The following MYO1E variants were observed in gnomAD, a reference collection of about 807,000 sequenced individuals.
MYO1E encodes the protein unconventional myosin-Ie.
Under a neutral mutation model 151.1 loss-of-function variants are expected in MYO1E, and 68 were observed. The observed-to-expected ratio is 0.45, with a 90% confidence interval of 0.37 to 0.55. The LOEUF is 0.55. MYO1E is among the 20% of genes least tolerant of loss of function. The pLI, the probability that MYO1E is intolerant of heterozygous loss-of-function variation, is 0.00. For missense variants in MYO1E, 1,363 were observed against 1,389.3 expected (o/e 0.98, Z 0.30); for synonymous variants, 601 against 501.7 (o/e 1.20, Z -2.64).
chr15:59,259,176 T>C (rs2080211449), intron 3 of MYO1E, among the ~76,000 whole-genome samples: 1 of 152,212 alleles, frequency 6.6e-6, no homozygotes, highest in South Asian at 2.1e-4. Context: ...CTGTCACCAT[T>C]GTAAAAATGT....
intron 1 of MYO1E, among the ~76,000 whole-genome samples, chr15:59,300,019 G>A (rs1222898393): frequency 6.6e-6 from 1 of 152,102 alleles, no homozygotes; most frequent in African/African-American, 2.4e-5. Context: ...AATCTTTAAT[G>A]TAATGTAAGA....
At chr15:59,189,127 T>C (rs1030339669) in intron 17 of MYO1E, among the ~76,000 whole-genome samples, 1 of 152,172 alleles carries the variant, frequency 6.6e-6, no homozygotes, top group Non-Finnish European at 1.5e-5. Flanking sequence ...AGTGATGTGA[T>C]AGCTCACTGC....
At chr15:59,236,707 G>A (rs780169512) in intron 4 of MYO1E, 35 bp from the exon 5 acceptor site, 7 of 1,545,734 alleles carry the variant, frequency 4.5e-6, no homozygotes, top group Admixed American at 1.7e-5. Context: ...CACCTGAGAA[G>A]TGGATTGCGA....
rs574226959 is a variant in MYO1E at position 59,132,806 on chromosome 15, T to C, written c.*4574A>G. The C allele has an allele frequency of 6.6e-6, 1 of 152,350 alleles. No individual in the cohort carries two copies. Among genetic ancestry groups the C allele is most frequent in the South Asian group, 2.1e-4 (1 of 4,826 alleles). The allele number at this position is 152,350 out of a possible 1,614,324, so 9.4% of individuals were successfully genotyped here. A position where few individuals can be genotyped will look rare whatever the true frequency, so the allele number is the denominator to read the frequency against. ...TATGCCAAGCACTTAGTATAGCTTC[T>C]AGTGTGAAGAAGATACTTGAACATA... On this transcript the variant is annotated 3_prime_UTR_variant, in exon 28 of 28. Transcript: ENST00000288235.
intron 2 of MYO1E, among the ~76,000 whole-genome samples, chr15:59,264,429 T>A (rs779730557): frequency 2.9e-4 from 44 of 152,208 alleles, no homozygotes; most frequent in Non-Finnish European, 5.0e-4. Context: ...GTAGCCAGAT[T>A]TAGCAAATAA....
chr15:59,259,349 T>C (rs904893024), intron 3 of MYO1E, among the ~76,000 whole-genome samples: 1 of 152,198 alleles, frequency 6.6e-6, no homozygotes, highest in Admixed American at 6.5e-5. Flanking sequence ...ATGTCACATG[T>C]AACATGAGTG....
chr15:59,246,140 T>G (rs1171530873), intron 4 of MYO1E, among the ~76,000 whole-genome samples: 3 of 152,134 alleles, frequency 2.0e-5, no homozygotes, highest in African/African-American at 7.2e-5. Context: ...TTTTTTGAGA[T>G]AGAGTCTTGC....
At chr15:59,352,929 T>A (rs2080831802) in intron 1 of MYO1E, among the ~76,000 whole-genome samples, 1 of 152,162 alleles carries the variant, frequency 6.6e-6, no homozygotes, top group Non-Finnish European at 1.5e-5. Flanking sequence ...CATTATCCTG[T>A]ATTTGTCTGA....
intron 5 of MYO1E, among the ~76,000 whole-genome samples, 176 bp downstream of exon 5, chr15:59,236,406 ACAC>A (rs1238667521): frequency 6.6e-6 from 1 of 150,784 alleles, no homozygotes; most frequent in Non-Finnish European, 1.5e-5. Context: ...ACACACACAC[ACAC>A]ACACACACAC....
At chr15:59,138,847 T>G (rs1463752874) in intron 26 of MYO1E, among the ~76,000 whole-genome samples, 10 of 152,122 alleles carry the variant, frequency 6.6e-5, no homozygotes, top group Admixed American at 4.6e-4. Flanking sequence ...TTGCCACACA[T>G]GTAAATACCC....
At chr15:59,175,834 T>A (rs1382168059) in intron 19 of MYO1E, among the ~76,000 whole-genome samples, 1 of 152,180 alleles carries the variant, frequency 6.6e-6, no homozygotes, top group Non-Finnish European at 1.5e-5. Context: ...TCTCAAAGAT[T>A]CGCTGGATTT....
rs145750876 is a variant in MYO1E, at chr15:59,288,330, C to T, written c.4-15881G>A. ...AGCTGGGACTACAGGTGTGTGCCACCATGTCTGGCTAATTTCTTTAGTTTT... is the reference window on the plus strand; with the variant it reads ...AGCTGGGACTACAGGTGTGTGCCACTATGTCTGGCTAATTTCTTTAGTTTT... On this transcript the variant is annotated intron_variant, in intron 1 of 27. Coordinates refer to ENST00000288235, the MANE Select transcript of MYO1E (RefSeq NM_004998.4). Among the ~76,000 whole-genome samples, 621 of 152,174 alleles carry T rather than the reference C, an allele frequency of 4.1e-3. 5 individuals carry two copies. Among genetic ancestry groups the T allele is most frequent in the African/African-American group, 0.014 (588 of 41,524 alleles).
chr15:59,240,562 C>T (rs533262874), intron 4 of MYO1E, among the ~76,000 whole-genome samples: 1 of 152,184 alleles, frequency 6.6e-6, no homozygotes, highest in Non-Finnish European at 1.5e-5. Flanking sequence ...CTATTCACTT[C>T]AACTTATTCA....
In MYO1E at chr15:59,338,858, G is replaced by A. The variant is rs552791043; in HGVS notation, c.3+33640C>T. Among the ~76,000 whole-genome samples the A allele has an allele frequency of 6.6e-5, 10 of 152,308 alleles. No homozygotes were observed. The South Asian group carries it at 1.0e-3, about 16-fold the overall frequency. On this transcript the variant is annotated intron_variant, in intron 1 of 27. Transcript: ENST00000288235. The stretch of plus-strand genomic sequence containing the variant: ...CTATAAATAAAACATCAGGCTGGGC[G>A]CTGTGGCTCATGCCTGTAATCCCAG...
intron 4 of MYO1E, among the ~76,000 whole-genome samples, chr15:59,246,064 T>C (rs959752838): frequency 1.3e-5 from 2 of 152,194 alleles, no homozygotes; most frequent in South Asian, 4.1e-4. Flanking sequence ...CACAGGTACC[T>C]ACCAAGCCTT....
At chr15:59,339,750 G>A (rs1405539345) in intron 1 of MYO1E, among the ~76,000 whole-genome samples, 11 of 152,150 alleles carry the variant, frequency 7.2e-5, no homozygotes, top group African/African-American at 1.4e-4. Flanking sequence ...GCAGTTTTGC[G>A]GCCAAGGCCT....
intron 8 of MYO1E, among the ~76,000 whole-genome samples, chr15:59,223,786 C>A (rs1241817714): frequency 1.3e-5 from 2 of 152,124 alleles, no homozygotes; most frequent in African/African-American, 4.8e-5. Context: ...CAATAAATAC[C>A]GCTAAAATGT....
chr15:59,197,332 T>C (rs992879032), intron 16 of MYO1E, among the ~76,000 whole-genome samples: 2 of 152,176 alleles, frequency 1.3e-5, no homozygotes, highest in Non-Finnish European at 2.9e-5. Context: ...GCAAACTCTT[T>C]TGTCCTAAGT....
intron 4 of MYO1E, among the ~76,000 whole-genome samples, chr15:59,242,634 T>C (rs1015399850): frequency 3.9e-5 from 6 of 152,174 alleles, no homozygotes; most frequent in African/African-American, 1.4e-4. Context: ...CCAGGAGTCA[T>C]TAATGGATGC....
Sources: allele counts gnomAD v4.1 joint callset (sites outside exome capture counted in the v4.1 genomes callset), GRCh38; gene constraint gnomAD v4.1.1; transcripts MANE v1.5; gene names NCBI Gene and HGNC (gene_info 2026-07-23, HGNC 2026-07-21).